Variants in NSUN4 observed in about 807,000 individuals in gnomAD.
The protein encoded by NSUN4 is NOP2/Sun RNA methyltransferase 4.
A neutral mutation model predicts 43.8 loss-of-function variants in NSUN4; 31 were observed. That is an observed-to-expected ratio of 0.71 (90% confidence interval 0.53 to 0.96). The LOEUF is 0.96. Among genes scored for constraint, NSUN4 ranks in the 40% least tolerant of loss-of-function variants. The pLI is 0.00. For synonymous variants in NSUN4, 167 were observed against 184.1 expected (o/e 0.91, Z 0.75); for missense variants, 439 against 475.6 (o/e 0.92, Z 0.72).
At chr1:46,358,652 G>A (rs113033705) in intron 4 of NSUN4, among the ~76,000 whole-genome samples, 34,058 of 151,756 alleles carry the variant, frequency 0.22, 4,290 homozygotes, top group Non-Finnish European at 0.29. Context: ...TGCCTGCCTC[G>A]GCCTCCCAAA....
At chr1:46,374,992 CAA>C in the NSUN4 span, among the ~76,000 whole-genome samples, 13 of 151,850 alleles carry the variant, frequency 8.6e-5, no homozygotes, top group Non-Finnish European at 1.6e-4. Context: ...TATTTCAAAA[CAA>C]TATTTGCACA....
chr1:46,341,815 CT>C, intron 1 of NSUN4: 1 of 1,232,748 alleles, frequency 8.1e-7, no homozygotes. Context: ...CAGCGGACAC[CT>C]TATTGCAGCT....
chr1:46,379,070 G>A, the NSUN4 span, among the ~76,000 whole-genome samples: 1 of 152,306 alleles, frequency 6.6e-6, no homozygotes, highest in Admixed American at 6.5e-5. Context: ...AAATCACTTT[G>A]CAGAGAGCAC....
chr1:46,362,325 C>G lies in NSUN4; in HGVS notation c.*479C>G, dbSNP rs944161069. On this transcript the variant is annotated 3_prime_UTR_variant, in exon 6 of 6. Transcript: ENST00000474844. ...ACCAGTCTTGAGCAGCCAACAGGCT[C>G]AATTAAGCCCGCCTGGTTTTTCCAT... The G allele has an allele frequency of 5.1e-5, 8 of 155,984 alleles. No individual in the cohort carries two copies. The highest frequency in any genetic ancestry group is 1.9e-4 in the African/African-American group (8 of 41,490). The allele number at this position is 155,984 out of a possible 1,614,324, so 9.7% of individuals were successfully genotyped here.
chr1:46,346,656 G>T (rs569604741), intron 2 of NSUN4, among the ~76,000 whole-genome samples: 2 of 152,238 alleles, frequency 1.3e-5, no homozygotes, highest in East Asian at 3.9e-4. Context: ...CCTGGGAGGT[G>T]GAGGTTGCAG....
chr1:46,368,791 G>A (rs1012917986), downstream of NSUN4, among the ~76,000 whole-genome samples: 1 of 152,198 alleles, frequency 6.6e-6, no homozygotes, highest in African/African-American at 2.4e-5. Context: ...GGTGGTTCAT[G>A]CCTGTAATCC....
chr1:46,344,689 G>T, intron 1 of NSUN4, 112 bp from the exon 2 acceptor site: 1 of 865,900 alleles, frequency 1.2e-6, no homozygotes, highest in South Asian at 1.6e-5. Flanking sequence ...GCAAAAGCAG[G>T]AGTGGGCACT....
At chr1:46,353,239 A>C (rs559127173) in intron 4 of NSUN4, among the ~76,000 whole-genome samples, 1 of 152,352 alleles carries the variant, frequency 6.6e-6, no homozygotes, top group African/African-American at 2.4e-5. Flanking sequence ...GCAGCAAAAA[A>C]GAATTTGAAA....
At chr1:46,351,402 T>C (rs1438618539) in intron 3 of NSUN4, among the ~76,000 whole-genome samples, 1 of 152,176 alleles carries the variant, frequency 6.6e-6, no homozygotes, top group East Asian at 1.9e-4. Flanking sequence ...ATTTTCCCCT[T>C]CCAAAAAATT....
the NSUN4 span, among the ~76,000 whole-genome samples, chr1:46,380,395 T>G: frequency 3.9e-5 from 6 of 152,214 alleles, no homozygotes; most frequent in Non-Finnish European, 5.9e-5. Flanking sequence ...TGTTACCTTC[T>G]GGATAACACA....
Position 46,360,827 on chromosome 1 carries a change from G to T in NSUN4, c.877G>T (p.Ala293Ser). 1 of 1,613,704 alleles carries T rather than the reference G, an allele frequency of 6.2e-7. No individual in the cohort carries two copies. Among genetic ancestry groups the T allele is most frequent in the Non-Finnish European group, 8.5e-7 (1 of 1,179,720 alleles). Residue 293 changes from alanine to serine, a missense_variant and splice_region_variant, in exon 5 of 6, where the codon GCG (alanine) becomes TCG (serine). By Grantham distance (99) the Ala-to-Ser change is moderately conservative (BLOSUM62 1). Transcript: ENST00000474844. ...ILPVLQVQLL[A>S]AGLLATKPGG... ...GCCTGTGCTGCAAGTGCAGCTTCTT[G>T]CGTGAGTGACAGATTTTTAAACTCA... is the stretch of plus-strand genomic sequence containing the variant.
chr1:46,348,901 G>A (rs1277054184), intron 3 of NSUN4, among the ~76,000 whole-genome samples: 1 of 133,046 alleles, frequency 7.5e-6, no homozygotes, highest in Non-Finnish European at 1.5e-5. Flanking sequence ...TACAACCTTC[G>A]CCTTCTGGTT....
chr1:46,356,489 G>A (rs1663378492), intron 4 of NSUN4, among the ~76,000 whole-genome samples: 3 of 152,240 alleles, frequency 2.0e-5, no homozygotes, highest in Admixed American at 1.3e-4. Flanking sequence ...TCAGGAGATG[G>A]AGACCATCCT....
At chr1:46,383,437 T>C in the NSUN4 span, among the ~76,000 whole-genome samples, 2 of 150,282 alleles carry the variant, frequency 1.3e-5, no homozygotes, top group Admixed American at 6.6e-5. Flanking sequence ...CTCCTGATCT[T>C]GTTGGCTGGT....
the NSUN4 span, among the ~76,000 whole-genome samples, chr1:46,371,646 T>C: frequency 1.3e-5 from 2 of 152,288 alleles, no homozygotes. Flanking sequence ...TTCACCATGT[T>C]GGTCAGGCTT....
chr1:46,367,910 A>G (rs948592232), downstream of NSUN4, among the ~76,000 whole-genome samples: 7 of 151,690 alleles, frequency 4.6e-5, no homozygotes, highest in Non-Finnish European at 8.8e-5. Context: ...GACTACAGGC[A>G]CATGCCACCG....
intron 4 of NSUN4, among the ~76,000 whole-genome samples, chr1:46,353,729 G>A (rs183410496): frequency 9.5e-4 from 144 of 152,042 alleles, no homozygotes; most frequent in Admixed American, 3.7e-3. Context: ...CACCCGCCTC[G>A]GCCTCCCAAA....
chr1:46,344,837 G>T lies in NSUN4; in HGVS notation c.130G>T (p.Ala44Ser), dbSNP rs747954215. The T allele has an allele frequency of 2.5e-6, 4 of 1,614,054 alleles. No individual in the cohort carries two copies. In the African/African-American group the frequency reaches 5.3e-5, roughly 22 times the overall value. ...TEPKFPAVRL[A>S]LQNFDMTYSV... Reference sequence around the variant, plus strand: ...GCCCAAATTCCCTGCTGTTCGACTGGCTTTGCAGAATTTTGACATGACTTA... The same window carrying T: ...GCCCAAATTCCCTGCTGTTCGACTGTCTTTGCAGAATTTTGACATGACTTA... Residue 44 changes from alanine (A) to serine (S), a missense_variant, in exon 2 of 6, where the codon GCT (alanine) becomes TCT (serine). Coordinates refer to ENST00000474844, the MANE Select transcript of NSUN4 (RefSeq NM_199044.4).
At chr1:46,376,667 T>C in the NSUN4 span, among the ~76,000 whole-genome samples, 1 of 151,790 alleles carries the variant, frequency 6.6e-6, no homozygotes, top group Non-Finnish European at 1.5e-5. Flanking sequence ...GCATCACACA[T>C]AGTAAAGGTA....
Sources: gnomAD v4.1 joint callset for allele counts (sites outside exome capture counted in the v4.1 genomes callset) on GRCh38, gnomAD v4.1.1 for gene constraint, MANE v1.5 for transcripts, NCBI Gene and HGNC (gene_info 2026-07-23, HGNC 2026-07-21) for gene names.